Variants in PCDHGA3 observed in about 807,000 individuals in gnomAD.
The protein encoded by PCDHGA3 is protocadherin gamma-A3.
A neutral mutation model predicts 58.5 loss-of-function variants in PCDHGA3; 40 were observed. The ratio of observed to expected loss-of-function variants is 0.68; its 90% CI spans 0.53 to 0.89. The LOEUF is 0.89. Ranked by LOEUF, PCDHGA3 falls within the 40% of genes least tolerant of loss-of-function variation. PCDHGA3 has a pLI of 0.00. For synonymous variants in PCDHGA3, 530 were observed against 525.7 expected (o/e 1.01, Z -0.11); for missense variants, 1,223 against 1,195.9 (o/e 1.02, Z -0.33).
At chr5:141,466,104 AGAGT>A (rs2154569127) in intron 1 of PCDHGA3, among the ~76,000 whole-genome samples, 1 of 152,144 alleles carries the variant, frequency 6.6e-6, no homozygotes, top group Admixed American at 6.5e-5. Flanking sequence ...CCTGGGCAAC[AGAGT>A]GAGACTCCAG....
Position 141,400,778 on chromosome 5 carries a change from T to A in PCDHGA3, c.2424+54321T>A, listed in dbSNP as rs1589424490. ...TCTCTAGCAAAAACATTTGGTGCGT[T>A]TTTTTGTCCTCTTTCTCAAAGCTAA... On this transcript the variant is annotated intron_variant, in intron 1 of 3. Coordinates refer to ENST00000253812, the MANE Select transcript of PCDHGA3 (RefSeq NM_018916.4). 6 of 568,120 alleles carry A rather than the reference T, an allele frequency of 1.1e-5. No individual in the cohort carries two copies. The East Asian group carries it at 1.7e-4, about 16-fold the overall frequency. 35.2% of individuals were successfully genotyped at this position (568,120 alleles called of 1,614,324 possible).
chr5:141,405,575 G>T, intron 1 of PCDHGA3: 2 of 598,040 alleles, frequency 3.3e-6, no homozygotes, highest in Non-Finnish European at 5.9e-6. Flanking sequence ...GAGTAGAGTA[G>T]CTGGGACTAC....
intron 1 of PCDHGA3, chr5:141,360,011 A>G: frequency 8.1e-7 from 1 of 1,240,974 alleles, no homozygotes; most frequent in Non-Finnish European, 1.1e-6. Context: ...AACCAACCAC[A>G]CAGAGAAGGC....
chr5:141,352,469 C>T (rs1561503431), intron 1 of PCDHGA3: 9 of 1,614,014 alleles, frequency 5.6e-6, no homozygotes, highest in Non-Finnish European at 7.6e-6. Context: ...CGGGGTTCCT[C>T]CCAACCACAG....
intron 1 of PCDHGA3, chr5:141,392,937 G>A: frequency 6.2e-7 from 1 of 1,613,948 alleles, no homozygotes; most frequent in Admixed American, 1.7e-5. Context: ...GACGGACAAA[G>A]GCTCCTTCGT....
intron 1 of PCDHGA3, chr5:141,377,949 A>G (rs1774488021): frequency 6.6e-6 from 1 of 152,208 alleles, no homozygotes; most frequent in Non-Finnish European, 1.5e-5. Context: ...TAGAGTGTGT[A>G]TCCAGGGCAA....
Position 141,345,858 on chromosome 5 carries a change from C to T in PCDHGA3, c.1825C>T (p.Leu609Phe), listed in dbSNP as rs1052316640. The T allele has an allele frequency of 6.2e-7, 1 of 1,613,342 alleles. No individual in the cohort carries two copies. The highest frequency in any genetic ancestry group is 1.7e-5 in the Admixed American group (1 of 59,990). Residue 609 changes from leucine to phenylalanine, a missense_variant, in exon 1 of 4, where the codon CTC becomes TTC. Leu to Phe is a conservative substitution (Grantham distance 22, BLOSUM62 0). Around this residue, in one of 3 missense-constraint regions of PCDHGA3, gnomAD observed 107 missense variants for 159.8 expected, o/e 0.67. Coordinates refer to ENST00000253812, the MANE Select transcript of PCDHGA3 (RefSeq NM_018916.4). ...GAACGCCTGGCTGTCCTACCGCCTG[C>T]TCAAGGCCAGCGAGCCGGGACTCTT... ...GQNAWLSYRL[L>F]KASEPGLFSV...
intron 1 of PCDHGA3, chr5:141,374,822 T>C: frequency 6.2e-7 from 1 of 1,613,984 alleles, no homozygotes; most frequent in Non-Finnish European, 8.5e-7. Context: ...TCAGCCTGTC[T>C]ACCGTGTAAG....
intron 1 of PCDHGA3, chr5:141,352,364 G>C (rs758290229): frequency 1.9e-6 from 3 of 1,613,988 alleles, no homozygotes; most frequent in Non-Finnish European, 2.5e-6. Flanking sequence ...CTTTCTCCTC[G>C]CGGTGATTCT....
At chr5:141,349,026 G>A (rs570306872) in intron 1 of PCDHGA3, among the ~76,000 whole-genome samples, 7 of 152,088 alleles carry the variant, frequency 4.6e-5, no homozygotes, top group Non-Finnish European at 8.8e-5. Flanking sequence ...AGTCAAACTC[G>A]TTTTGCTCAT....
chr5:141,406,434 A>G (rs1203599965), intron 1 of PCDHGA3, among the ~76,000 whole-genome samples: 1 of 152,238 alleles, frequency 6.6e-6, no homozygotes, highest in Non-Finnish European at 1.5e-5. Context: ...TATTGCTTCT[A>G]TTCTTCCATT....
intron 1 of PCDHGA3, chr5:141,387,909 G>C (rs1383616266): frequency 8.0e-6 from 12 of 1,498,886 alleles, no homozygotes; most frequent in Non-Finnish European, 1.1e-5. Flanking sequence ...CGGGGAGCTG[G>C]GCCGGGCTGA....
Position 141,360,572 on chromosome 5 carries a change from C to G in PCDHGA3, c.2424+14115C>G, listed in dbSNP as rs962315803. ...ATTAATTTAAAAATTGGCGAATCCA[C>G]TAAGCCAGGTACAACATTTCCACTT... On this transcript the variant is annotated intron_variant, in intron 1 of 3. Coordinates refer to ENST00000253812, the MANE Select transcript of PCDHGA3 (RefSeq NM_018916.4). 2.5e-6 allele frequency: 4 copies of G among 1,613,998 alleles called. No individual in the cohort carries two copies. The South Asian group carries it at 3.3e-5, about 13-fold the overall frequency.
intron 1 of PCDHGA3, chr5:141,430,735 A>T (rs1255723102): frequency 6.7e-7 from 1 of 1,497,964 alleles, no homozygotes; most frequent in Non-Finnish European, 8.9e-7. Context: ...GGCAGAATTG[A>T]AAATAATTCT....
chr5:141,352,989 AAAAC>A (rs950182337), intron 1 of PCDHGA3, among the ~76,000 whole-genome samples: 9 of 152,344 alleles, frequency 5.9e-5, no homozygotes, highest in South Asian at 2.1e-4. Flanking sequence ...ACTGTCTAAA[AAAAC>A]AAACAAACAA....
intron 1 of PCDHGA3, chr5:141,427,796 C>A: frequency 6.7e-7 from 1 of 1,502,108 alleles, no homozygotes; most frequent in Non-Finnish European, 9.2e-7. Flanking sequence ...CCTACGTGTC[C>A]GTGAGCGCAC....
intron 1 of PCDHGA3, chr5:141,428,212 C>A (rs1295973505): frequency 8.0e-7 from 1 of 1,255,000 alleles, no homozygotes; most frequent in Non-Finnish European, 1.1e-6. Context: ...TACGCTTCAC[C>A]TAGTCTTCGC....
In PCDHGA3 at chr5:141,490,861, T is replaced by C. The variant is rs1465042036; in HGVS notation, c.2425-3946T>C. The C allele has an allele frequency of 1.2e-6, 2 of 1,613,816 alleles. No individual in the cohort carries two copies. Among genetic ancestry groups the C allele is most frequent in the Non-Finnish European group, 1.7e-6 (2 of 1,179,920 alleles). On this transcript the variant is annotated intron_variant, in intron 1 of 3. Coordinates refer to ENST00000253812, the MANE Select transcript of PCDHGA3 (RefSeq NM_018916.4). The surrounding 1 kb of genome is among the most constrained non-coding windows in gnomAD (Gnocchi z 5.4). Reference sequence around the variant, plus strand: ...TGTGGTGGGGGTTCGAGACTCCGGCTCTCCCCCATTGCATGCCAACACATC... The same window carrying C: ...TGTGGTGGGGGTTCGAGACTCCGGCCCTCCCCCATTGCATGCCAACACATC...
At chr5:141,423,150 G>T in intron 1 of PCDHGA3, 1 of 1,613,538 alleles carries the variant, frequency 6.2e-7, no homozygotes, top group Non-Finnish European at 8.5e-7. Flanking sequence ...CGCTCAAGCA[G>T]AGCCTCGTGG....
Sources: gnomAD v4.1 joint callset for allele counts (sites outside exome capture counted in the v4.1 genomes callset) on GRCh38, gnomAD v4.1.1 for gene constraint, gnomAD v4.1.1 regional missense constraint, Gnocchi (gnomAD v3.1) non-coding constraint, MANE v1.5 for transcripts, NCBI Gene and HGNC (gene_info 2026-07-23, HGNC 2026-07-21) for gene names.